The following ESRRG variants were observed in gnomAD, a reference collection of about 807,000 sequenced individuals.
ESRRG encodes the protein estrogen related receptor gamma, also known as estrogen-related receptor gamma.
ESRRG carries 13 observed loss-of-function variants against 44.0 expected under a neutral mutation model. The observed-to-expected ratio is 0.30, with a 90% CI of 0.19 to 0.47. ESRRG has a LOEUF of 0.47. ESRRG is among the 20% of genes least tolerant of loss of function. The pLI is 1.00. For missense variants in ESRRG, 395 were observed against 580.6 expected (o/e 0.68, Z 3.29); for synonymous variants, 215 against 214.6 (o/e 1.00, Z -0.02).
intron 1 of ESRRG, among the ~76,000 whole-genome samples, chr1:217,115,442 T>C (rs2092711888): frequency 6.6e-6 from 1 of 152,128 alleles, no homozygotes; most frequent in African/African-American, 2.4e-5. Context: ...GGGCCCTATA[T>C]GATCCGTAAA....
chr1:216,781,094 C>A (rs1354109304), intron 2 of ESRRG, among the ~76,000 whole-genome samples: 1 of 151,884 alleles, frequency 6.6e-6, no homozygotes, highest in Non-Finnish European at 1.5e-5. Context: ...TTATCCAAAA[C>A]AAATAAGAAA....
intron 3 of ESRRG, among the ~76,000 whole-genome samples, chr1:216,615,738 T>TC (rs2061341832): frequency 7.3e-6 from 1 of 137,690 alleles, no homozygotes; most frequent in African/African-American, 3.3e-5. Flanking sequence ...TTCTCTCTCT[T>TC]TTTTTTTTTT....
intron 3 of ESRRG, among the ~76,000 whole-genome samples, chr1:216,597,875 T>A (rs2150099569): frequency 6.6e-6 from 1 of 152,318 alleles, no homozygotes. Context: ...AGTGACTTGA[T>A]CATACTCGTA....
chr1:217,136,184 G>C (rs1036647077), intron 1 of ESRRG, among the ~76,000 whole-genome samples: 1 of 152,180 alleles, frequency 6.6e-6, no homozygotes, highest in African/African-American at 2.4e-5. Context: ...TGAAGACAGG[G>C]GGCGGAGGGC....
At position 216,506,556 on chromosome 1, in the gene ESRRG, G is replaced by C. The variant is rs185243950; in HGVS notation, c.*383C>G. ...AAAGCTATTTCAAATTTAGAAAAAA[G>C]GGGAAGGATGAGAAAAGAGAGGAAT... On this transcript the variant is annotated 3_prime_UTR_variant, in exon 7 of 7. Transcript: ENST00000408911. The C allele has an allele frequency of 4.3e-5, 19 of 442,170 alleles. No homozygotes were observed. Among genetic ancestry groups the C allele is most frequent in the Middle Eastern group, 6.7e-4 (2 of 2,970 alleles). 27.4% of individuals were successfully genotyped at this position (442,170 alleles called of 1,614,324 possible).
chr1:216,727,684 C>T (rs146447573), upstream of ESRRG, among the ~76,000 whole-genome samples: 192 of 152,176 alleles, frequency 1.3e-3, 1 homozygote, highest in African/African-American at 4.3e-3. Context: ...ATTATTGTCT[C>T]GATTGGCAAG....
At position 217,117,636 on chromosome 1, in the gene ESRRG, C is replaced by A. The variant is rs183798297; in HGVS notation, c.-230+20031G>T. Among the ~76,000 whole-genome samples the A allele has an allele frequency of 2.6e-3, 392 of 151,966 alleles. 1 individual carries two copies. Among genetic ancestry groups the A allele is most frequent in the African/African-American group, 9.1e-3 (376 of 41,480 alleles). On this transcript the variant is annotated intron_variant, in intron 1 of 8. Coordinates refer to the ESRRG transcript ENST00000366940. ...AAAAATTAATTTAAAAATTAGATGA[C>A]ATCAAATAAAGTTATTATGGAATAA...
chr1:217,058,722 T>C (rs1157774704), intron 1 of ESRRG, among the ~76,000 whole-genome samples: 1 of 151,960 alleles, frequency 6.6e-6, no homozygotes, highest in Non-Finnish European at 1.5e-5. Flanking sequence ...ACTATTAGAA[T>C]ATTATTATTC....
At chr1:216,611,540 C>T (rs1189194368) in intron 3 of ESRRG, among the ~76,000 whole-genome samples, 1 of 152,142 alleles carries the variant, frequency 6.6e-6, no homozygotes, top group Non-Finnish European at 1.5e-5. Flanking sequence ...AAGAAAGTCT[C>T]CTGGAATATC....
chr1:217,062,233 T>A (rs544252371), intron 1 of ESRRG, among the ~76,000 whole-genome samples: 1 of 152,258 alleles, frequency 6.6e-6, no homozygotes, highest in East Asian at 1.9e-4. Context: ...TGGTTTTGCA[T>A]GACACTCTGG....
chr1:216,692,443 G>A (rs746033096), intron 1 of ESRRG, among the ~76,000 whole-genome samples: 61 of 152,008 alleles, frequency 4.0e-4, no homozygotes, highest in Admixed American at 1.3e-4. Context: ...AAGTACAACT[G>A]TACATGTTTG....
At chr1:216,724,820 G>A (rs1487277080), upstream of ESRRG, among the ~76,000 whole-genome samples, 1 of 151,972 alleles carries the variant, frequency 6.6e-6, no homozygotes, top group Non-Finnish European at 1.5e-5. Context: ...ACTAGCAAAT[G>A]TACATTGGAA....
At chr1:216,760,511 G>A (rs1333610578) in intron 2 of ESRRG, among the ~76,000 whole-genome samples, 4 of 152,014 alleles carry the variant, frequency 2.6e-5, no homozygotes, top group Admixed American at 2.0e-4. Flanking sequence ...GCTGAGGTAG[G>A]AGGATCACTT....
In ESRRG at chr1:217,042,473, A is replaced by AACACACACACACAC. The variant is rs140559927; in HGVS notation, c.-106+47020_-106+47033dup. Among the ~76,000 whole-genome samples the AACACACACACACAC allele has an allele frequency of 2.7e-4, 37 of 139,070 alleles. No homozygotes were observed. The East Asian group carries it at 3.6e-3, about 14-fold the overall frequency. 91.2% of individuals were successfully genotyped at this position (139,070 alleles called of 152,430 possible). On this transcript the variant is annotated intron_variant, in intron 1 of 7. Coordinates refer to the ESRRG transcript ENST00000359162. Reference sequence around the variant, plus strand: ...AAATGCACACACACATACACACACAAACACACACACACACACACACACACA... The same window carrying AACACACACACACAC: ...AAATGCACACACACATACACACACAAACACACACACACACACACACACACACACACACACACACA...
rs1452506557 is a variant in ESRRG at position 216,962,965 on chromosome 1, C to T, written c.-105-23292G>A. On this transcript the variant is annotated intron_variant, in intron 1 of 7. Coordinates refer to the ESRRG transcript ENST00000359162. ...TTGTGAAAATGTGGAAATCCACATA[C>T]CTGGGTTAGAGACCCATACGTGTCA... Among the ~76,000 whole-genome samples the T allele has an allele frequency of 3.9e-5, 6 of 152,162 alleles. No homozygotes were observed. The East Asian group carries it at 1.2e-3, about 29-fold the overall frequency.
intron 2 of ESRRG, among the ~76,000 whole-genome samples, chr1:216,731,643 A>G (rs2088801179): frequency 6.6e-6 from 1 of 152,244 alleles, no homozygotes; most frequent in African/African-American, 2.4e-5. Flanking sequence ...CGTACCCCCA[A>G]AATATGTACA....
At chr1:216,676,360 T>C (rs946979052) in intron 2 of ESRRG, among the ~76,000 whole-genome samples, 1 of 152,182 alleles carries the variant, frequency 6.6e-6, no homozygotes, top group African/African-American at 2.4e-5. Context: ...GTTGGAGGTA[T>C]ATTTTATCAT....
intron 3 of ESRRG, among the ~76,000 whole-genome samples, chr1:216,606,639 CA>C (rs1332185659): frequency 3.3e-5 from 5 of 152,064 alleles, no homozygotes; most frequent in African/African-American, 1.2e-4. Context: ...CGCAAGGGTA[CA>C]GAAGATTCCA....
chr1:217,012,040 G>A (rs929424112), intron 1 of ESRRG, among the ~76,000 whole-genome samples: 1 of 152,090 alleles, frequency 6.6e-6, no homozygotes, highest in Admixed American at 6.6e-5. Flanking sequence ...ATTGAAAAGG[G>A]ACTCTTTTTA....
Sources: gnomAD v4.1 joint callset for allele counts (sites outside exome capture counted in the v4.1 genomes callset) on GRCh38, gnomAD v4.1.1 for gene constraint, MANE v1.5 for transcripts, NCBI Gene and HGNC (gene_info 2026-07-23, HGNC 2026-07-21) for gene names.